Variants in DGKB observed in about 807,000 individuals in gnomAD.
The protein encoded by DGKB is diacylglycerol kinase beta, also known as 90 kDa diacylglycerol kinase.
DGKB carries 67 observed loss-of-function variants against 114.3 expected under a neutral mutation model. That is an observed-to-expected ratio of 0.59 (90% CI 0.48 to 0.72). The LOEUF (loss-of-function observed/expected upper bound fraction) is 0.72. Ranked by LOEUF, DGKB falls within the 30% of genes least tolerant of loss-of-function variation. The pLI is 0.00. For missense variants in DGKB, 907 were observed against 975.2 expected (o/e 0.93, Z 0.93); for synonymous variants, 398 against 323.1 (o/e 1.23, Z -2.49).
intron 13 of DGKB, among the ~76,000 whole-genome samples, chr7:14,631,377 T>A (rs1032541006): frequency 1.1e-4 from 17 of 151,036 alleles, no homozygotes; most frequent in Admixed American, 1.1e-3. Flanking sequence ...CACTCAAAAG[T>A]GACACAGAAG....
intron 13 of DGKB, among the ~76,000 whole-genome samples, chr7:14,643,904 G>A (rs1812363744): frequency 6.6e-6 from 1 of 152,040 alleles, no homozygotes; most frequent in South Asian, 2.1e-4. Context: ...CCAATAGTGG[G>A]GCTGCTGCGC....
At position 14,149,058 on chromosome 7, in the gene DGKB, C is replaced by CAAAG. The variant is rs1390503661; in HGVS notation, c.*69_*72dup. 7.5e-7 allele frequency: 1 copy of CAAAG among 1,329,794 alleles called. No homozygotes were observed. The highest frequency in any genetic ancestry group is 1.5e-5 in the African/African-American group (1 of 68,896). 82.4% of individuals were successfully genotyped at this position (1,329,794 alleles called of 1,614,324 possible). ...CATGAGCAGGAGACTTGAAATGGTTCAAAGATTTCCAGCATATGTGTTCCA... is the reference window on the plus strand; with the variant it reads ...CATGAGCAGGAGACTTGAAATGGTTCAAAGAAAGATTTCCAGCATATGTGTTCCA... On this transcript the variant is annotated 3_prime_UTR_variant, in exon 26 of 26. Transcript: ENST00000402815.
intron 1 of DGKB, among the ~76,000 whole-genome samples, chr7:14,930,158 A>G (rs560110310): frequency 6.6e-6 from 1 of 152,194 alleles, no homozygotes; most frequent in African/African-American, 2.4e-5. Flanking sequence ...AGGTCATGTG[A>G]TTCCTCCAGC....
intron 23 of DGKB, among the ~76,000 whole-genome samples, chr7:14,283,387 T>C (rs1210263378): frequency 6.6e-6 from 1 of 151,410 alleles, no homozygotes; most frequent in African/African-American, 2.4e-5. Flanking sequence ...TGGAAGAACA[T>C]TCCATGCTCA....
At chr7:14,161,072 C>T (rs1367237340) in intron 25 of DGKB, among the ~76,000 whole-genome samples, 1 of 152,206 alleles carries the variant, frequency 6.6e-6, no homozygotes, top group African/African-American at 2.4e-5. Context: ...AGCTCATCAT[C>T]ACTGGTCATT....
chr7:14,240,968 T>A (rs1793551532), intron 23 of DGKB, among the ~76,000 whole-genome samples: 1 of 152,146 alleles, frequency 6.6e-6, no homozygotes, highest in Admixed American at 6.6e-5. Flanking sequence ...TCAATAGATA[T>A]GACTTTAATA....
At chr7:14,705,195 G>C (rs569693945) in intron 6 of DGKB, among the ~76,000 whole-genome samples, 1 of 152,058 alleles carries the variant, frequency 6.6e-6, no homozygotes, top group East Asian at 1.9e-4. Context: ...GAGCCGATGC[G>C]ATCAACTGGA....
chr7:14,897,073 C>T (rs1782220377), intron 1 of DGKB, among the ~76,000 whole-genome samples: 1 of 151,800 alleles, frequency 6.6e-6, no homozygotes. Flanking sequence ...CTCATCCCAT[C>T]TGTCCTTCCC....
At chr7:14,574,592 G>A (rs926220479) in intron 19 of DGKB, among the ~76,000 whole-genome samples, 1 of 151,924 alleles carries the variant, frequency 6.6e-6, no homozygotes, top group Middle Eastern at 3.2e-3. Flanking sequence ...TTCTCTTTTT[G>A]TGGTGCAAAT....
intron 13 of DGKB, among the ~76,000 whole-genome samples, chr7:14,642,887 G>A (rs140211405): frequency 1.1e-4 from 17 of 152,178 alleles, no homozygotes; most frequent in African/African-American, 3.9e-4. Context: ...AATACTCTTT[G>A]TTTTAAGTCT....
chr7:14,193,197 A>C (rs2128277217), intron 23 of DGKB, among the ~76,000 whole-genome samples: 1 of 152,238 alleles, frequency 6.6e-6, no homozygotes, highest in Non-Finnish European at 1.5e-5. Context: ...AAACAACTAT[A>C]AAATTCTGTA....
At chr7:14,502,950 T>C (rs1284350010) in intron 20 of DGKB, among the ~76,000 whole-genome samples, 1 of 152,100 alleles carries the variant, frequency 6.6e-6, no homozygotes, top group Non-Finnish European at 1.5e-5. Context: ...ATCAGTTTAC[T>C]TACAGAAAAC....
At chr7:14,640,451 G>T (rs147723736) in intron 13 of DGKB, among the ~76,000 whole-genome samples, 2 of 152,186 alleles carry the variant, frequency 1.3e-5, no homozygotes, top group East Asian at 1.9e-4. Context: ...GTACAGAGCC[G>T]TAATCTTCCA....
At chr7:14,799,104 A>G (rs993116165) in intron 2 of DGKB, among the ~76,000 whole-genome samples, 1 of 152,184 alleles carries the variant, frequency 6.6e-6, no homozygotes, top group Non-Finnish European at 1.5e-5. Flanking sequence ...TATAAACTTA[A>G]TCAGGTGGTT....
Position 14,695,555 on chromosome 7 carries a change from T to A in DGKB, c.592-1361A>T, listed in dbSNP as rs574397436. On this transcript the variant is annotated intron_variant, in intron 8 of 25. Transcript: ENST00000402815. ...CACTCTGTCGCCCAGGCTGGAGTGC[T>A]GTGGCGCAATCTGGGCTCATAGCAA... is the stretch of plus-strand genomic sequence containing the variant. 6.7e-3 allele frequency among the ~76,000 whole-genome samples: 921 copies of A among 137,348 alleles called. 11 individuals carry two copies. The highest frequency in any genetic ancestry group is 0.023 in the African/African-American group (848 of 37,360). 90.1% of individuals were successfully genotyped at this position (137,348 alleles called of 152,430 possible).
chr7:14,386,196 T>G lies in DGKB; in HGVS notation c.1836-40805A>C, dbSNP rs1190896275. Among the ~76,000 whole-genome samples the G allele has an allele frequency of 3.9e-5, 6 of 152,246 alleles. No homozygotes were observed. In the East Asian group the frequency reaches 1.2e-3, roughly 29 times the overall value. On this transcript the variant is annotated intron_variant, in intron 21 of 25. Coordinates refer to ENST00000402815, the MANE Select transcript of DGKB (RefSeq NM_001350709.2). ...AGCTTCTAATGTAATGATGCAGTAT[T>G]GCATTTATAATCATTGTTTTAAGCT...
chr7:14,957,687 C>T (rs1303914809), intron 1 of DGKB, among the ~76,000 whole-genome samples: 1 of 151,924 alleles, frequency 6.6e-6, no homozygotes, highest in Non-Finnish European at 1.5e-5. Context: ...GTAACCATGC[C>T]TATGTCTATT....
intron 1 of DGKB, among the ~76,000 whole-genome samples, chr7:14,869,967 C>T (rs752108303): frequency 1.3e-5 from 2 of 152,020 alleles, no homozygotes; most frequent in East Asian, 1.9e-4. Context: ...CTCCTGACTT[C>T]TCCAACCTCT....
intron 2 of DGKB, among the ~76,000 whole-genome samples, chr7:14,822,793 AGTGT>A (rs1350394480): frequency 6.6e-6 from 1 of 152,164 alleles, no homozygotes; most frequent in Non-Finnish European, 1.5e-5. Context: ...AACAGATCAA[AGTGT>A]TAGTTTCTTC....
Sources: gnomAD v4.1 joint callset for allele counts (sites outside exome capture counted in the v4.1 genomes callset) on GRCh38, gnomAD v4.1.1 for gene constraint, MANE v1.5 for transcripts, NCBI Gene and HGNC (gene_info 2026-07-23, HGNC 2026-07-21) for gene names.